EEIG1: variants seen among roughly 807,000 people sequenced by gnomAD.
EEIG1 encodes early estrogen-induced gene 1 protein.
At chr9:127,970,307 C>T in the EEIG1 span, among the ~76,000 whole-genome samples, 7 of 152,058 alleles carry the variant, frequency 4.6e-5, no homozygotes, top group East Asian at 5.8e-4. Context: ...TTAGTAGAGA[C>T]GGGGTTTCAC....
At chr9:127,948,495 C>G in the EEIG1 span, 6 of 1,447,976 alleles carry the variant, frequency 4.1e-6, no homozygotes, top group African/African-American at 5.6e-5. Context: ...CCTTTCGGCT[C>G]TGGCCTCAGA....
At chr9:127,970,799 C>CTTGCCGTGCCTCTGCCT in the EEIG1 span, among the ~76,000 whole-genome samples, 1 of 152,358 alleles carries the variant, frequency 6.6e-6, no homozygotes, top group Admixed American at 6.5e-5. Context: ...CACGCTCGCC[C>CTTGCCGTGCCTCTGCCT]TTGCCGTGCC....
At chr9:127,945,177 G>C in the EEIG1 span, among the ~76,000 whole-genome samples, 1 of 152,174 alleles carries the variant, frequency 6.6e-6, no homozygotes, top group Admixed American at 6.5e-5. The surrounding 1 kb of genome is among the most constrained non-coding windows in gnomAD (Gnocchi z 6.5). Flanking sequence ...CGCAAGAGCA[G>C]CCATGAACAG....
chr9:127,970,766 G>A, the EEIG1 span, among the ~76,000 whole-genome samples: 1 of 152,066 alleles, frequency 6.6e-6, no homozygotes, highest in South Asian at 2.1e-4. Flanking sequence ...TCCCAGGCCA[G>A]CCAGCCCCTC....
chr9:127,974,323 G>A, the EEIG1 span, among the ~76,000 whole-genome samples: 1 of 152,150 alleles, frequency 6.6e-6, no homozygotes, highest in African/African-American at 2.4e-5. Context: ...AGGTACTCCT[G>A]AGGCCAGGAA....
At chr9:127,975,699 G>A in the EEIG1 span, among the ~76,000 whole-genome samples, 8 of 152,252 alleles carry the variant, frequency 5.3e-5, no homozygotes, top group Non-Finnish European at 8.8e-5. Flanking sequence ...TATGAGGTAA[G>A]TCAGTGCCTC....
At chr9:127,980,239 G>C in the EEIG1 span, 1 of 1,317,660 alleles carries the variant, frequency 7.6e-7, no homozygotes, top group Non-Finnish European at 1.0e-6. Flanking sequence ...ACCAGAGCCG[G>C]ATCCCGCCCT....
the EEIG1 span, chr9:127,948,328 T>C: frequency 9.3e-6 from 15 of 1,613,208 alleles, no homozygotes; most frequent in South Asian, 1.6e-4. Context: ...TGCCCGGGAC[T>C]GGGCTCCCAT....
the EEIG1 span, among the ~76,000 whole-genome samples, chr9:127,957,591 C>CT: frequency 6.6e-6 from 1 of 152,212 alleles, no homozygotes; most frequent in African/African-American, 2.4e-5. Context: ...CTTGGCAGAA[C>CT]TTTGACAAGC....
At chr9:127,975,931 T>C in the EEIG1 span, among the ~76,000 whole-genome samples, 28 of 152,260 alleles carry the variant, frequency 1.8e-4, 1 homozygote, top group South Asian at 5.4e-3. Context: ...TGTGGATACA[T>C]ATGCCTGGGA....
chr9:127,947,074 A>G, the EEIG1 span, among the ~76,000 whole-genome samples: 2 of 152,034 alleles, frequency 1.3e-5, no homozygotes, highest in African/African-American at 4.8e-5. Context: ...GGGCTCGTTC[A>G]CATTTTTCAT....
At chr9:127,964,088 C>A in the EEIG1 span, among the ~76,000 whole-genome samples, 13 of 152,260 alleles carry the variant, frequency 8.5e-5, 1 homozygote, top group South Asian at 2.7e-3. Flanking sequence ...AAGAGCCTCC[C>A]TGGAAAGCCG....
the EEIG1 span, among the ~76,000 whole-genome samples, chr9:127,963,337 G>GCCGC: frequency 6.6e-6 from 1 of 152,260 alleles, no homozygotes; most frequent in Non-Finnish European, 1.5e-5. Flanking sequence ...GGCAGGGCTG[G>GCCGC]CCGCCCGCCT....
At chr9:127,947,414 G>A in the EEIG1 span, among the ~76,000 whole-genome samples, 220 of 152,186 alleles carry the variant, frequency 1.4e-3, 1 homozygote, top group African/African-American at 5.0e-3. Flanking sequence ...CCAGCCTAGC[G>A]ACAGAGCAAG....
chr9:127,952,314 G>A, the EEIG1 span, among the ~76,000 whole-genome samples: 133,725 of 152,226 alleles, frequency 0.88, 59,717 homozygotes, highest in Non-Finnish European at 0.97. Flanking sequence ...CCTGTATAGC[G>A]CCTCCCTCGG....
chr9:127,942,287 A>T, the EEIG1 span: 1 of 152,574 alleles, frequency 6.6e-6, no homozygotes, highest in African/African-American at 2.4e-5. Context: ...CTCAGGACCC[A>T]GCCCTGGGCA....
the EEIG1 span, among the ~76,000 whole-genome samples, chr9:127,954,410 A>C: frequency 6.6e-6 from 1 of 152,228 alleles, no homozygotes; most frequent in African/African-American, 2.4e-5. Flanking sequence ...GCCAGTAGAT[A>C]GCTGAGCTGG....
the EEIG1 span, chr9:127,942,186 C>A: frequency 2.0e-5 from 3 of 152,734 alleles, no homozygotes; most frequent in Admixed American, 2.0e-4. Context: ...AGCCCACCTG[C>A]CTCTCTGGCA....
the EEIG1 span, among the ~76,000 whole-genome samples, chr9:127,946,663 AC>A: frequency 6.6e-6 from 1 of 152,172 alleles, no homozygotes; most frequent in East Asian, 1.9e-4. Flanking sequence ...CTTCTGGGGA[AC>A]CCCATCCAGG....
Sources: allele counts gnomAD v4.1 joint callset (sites outside exome capture counted in the v4.1 genomes callset), GRCh38; gene constraint gnomAD v4.1.1; non-coding constraint Gnocchi (gnomAD v3.1); transcripts MANE v1.5; gene names NCBI Gene and HGNC (gene_info 2026-07-23, HGNC 2026-07-21).